The following DPP10 variants were observed in gnomAD, a reference collection of about 807,000 sequenced individuals.
DPP10 encodes the protein dipeptidyl peptidase like 10.
DPP10 carries 33 observed loss-of-function variants against 120.9 expected under a neutral mutation model. That is an observed-to-expected ratio of 0.27 (90% CI 0.21 to 0.37). The LOEUF (loss-of-function observed/expected upper bound fraction) is 0.37. Ranked by LOEUF, DPP10 falls within the 10% of genes least tolerant of loss-of-function variation. The pLI, the probability that DPP10 is intolerant of heterozygous loss-of-function variation, is 1.00. For missense variants in DPP10, 816 were observed against 942.8 expected, an observed-to-expected ratio of 0.87 and a Z score of 1.76; for synonymous variants, 337 against 326.1, an observed-to-expected ratio of 1.03 and a Z score of -0.36.
intron 1 of DPP10, among the ~76,000 whole-genome samples, chr2:114,713,692 G>T (rs1034625547): frequency 5.9e-5 from 9 of 152,218 alleles, no homozygotes; most frequent in East Asian, 1.9e-4. Context: ...AAGGATGGGT[G>T]CTAAAAGTAC....
intron 3 of DPP10, among the ~76,000 whole-genome samples, chr2:115,442,251 T>C (rs1380737525): frequency 2.0e-5 from 3 of 152,072 alleles, no homozygotes; most frequent in Non-Finnish European, 4.4e-5. Flanking sequence ...GCTCACTGGC[T>C]CTGTAAGAGG....
intron 1 of DPP10, among the ~76,000 whole-genome samples, chr2:114,643,100 A>T (rs376913334): frequency 5.9e-5 from 9 of 151,950 alleles, no homozygotes; most frequent in Admixed American, 3.3e-4. Context: ...CTTTCAAAAC[A>T]TCAGATCATT....
intron 1 of DPP10, among the ~76,000 whole-genome samples, chr2:115,012,667 A>G (rs996372284): frequency 2.6e-5 from 4 of 152,176 alleles, no homozygotes; most frequent in Admixed American, 1.3e-4. Context: ...ACCCTGTGGG[A>G]CAGAAGACTG....
intron 1 of DPP10, among the ~76,000 whole-genome samples, chr2:115,184,068 G>A (rs539623887): frequency 6.6e-6 from 1 of 152,264 alleles, no homozygotes; most frequent in East Asian, 1.9e-4. Flanking sequence ...TCGCAGCCCA[G>A]ACAGGGAGAG....
At chr2:114,855,678 C>T (rs1689314535) in intron 1 of DPP10, among the ~76,000 whole-genome samples, 1 of 152,148 alleles carries the variant, frequency 6.6e-6, no homozygotes, top group East Asian at 1.9e-4. Flanking sequence ...AGAGACCCTA[C>T]CACCAGCTGA....
chr2:114,960,406 G>C (rs1698525383), intron 1 of DPP10, among the ~76,000 whole-genome samples: 1 of 147,992 alleles, frequency 6.8e-6, no homozygotes, highest in East Asian at 2.0e-4. Context: ...GATGGAATAT[G>C]ACCAGTGATC....
chr2:115,520,914 G>T (rs1015055865), intron 4 of DPP10, among the ~76,000 whole-genome samples: 45 of 152,102 alleles, frequency 3.0e-4, no homozygotes, highest in Non-Finnish European at 7.4e-5. Context: ...ACATTACCGT[G>T]GCAATAAAAG....
chr2:115,269,867 G>A (rs974412380), intron 1 of DPP10, among the ~76,000 whole-genome samples: 1 of 152,018 alleles, frequency 6.6e-6, no homozygotes, highest in Non-Finnish European at 1.5e-5. Flanking sequence ...TACTTACCCT[G>A]CCATTCTGTC....
intron 1 of DPP10, among the ~76,000 whole-genome samples, chr2:115,201,603 G>A (rs1243656039): frequency 1.3e-5 from 2 of 152,168 alleles, no homozygotes; most frequent in Admixed American, 6.5e-5. Context: ...ATAAACAGAA[G>A]AGGAAATGAG....
At chr2:114,583,267 T>G (rs1690689054) in intron 1 of DPP10, among the ~76,000 whole-genome samples, 1 of 152,240 alleles carries the variant, frequency 6.6e-6, no homozygotes, top group South Asian at 2.1e-4. Context: ...TGCCTTGTAT[T>G]TTTGTTAACA....
At chr2:114,710,466 C>T (rs533279269) in intron 1 of DPP10, among the ~76,000 whole-genome samples, 8 of 152,284 alleles carry the variant, frequency 5.3e-5, no homozygotes, top group South Asian at 2.1e-4. Flanking sequence ...AAGCACAGGC[C>T]GGGCATAGTG....
chr2:115,236,556 G>A (rs561577213), intron 1 of DPP10, among the ~76,000 whole-genome samples: 6 of 152,142 alleles, frequency 3.9e-5, no homozygotes, highest in Admixed American at 1.3e-4. Flanking sequence ...AACTGATCAC[G>A]GCATCTTTAC....
At chr2:115,782,266 G>T (rs1263991523) in intron 16 of DPP10, 86 bp from the exon 17 acceptor site, 2 of 1,175,896 alleles carry the variant, frequency 1.7e-6, no homozygotes, top group Non-Finnish European at 2.4e-6. Flanking sequence ...CTTCCATTTG[G>T]GGGGAAAAAA....
chr2:115,186,174 T>C (rs868264247), intron 1 of DPP10, among the ~76,000 whole-genome samples: 68 of 152,250 alleles, frequency 4.5e-4, no homozygotes, highest in South Asian at 1.7e-3. Flanking sequence ...GGAGCTCCGT[T>C]GTTTTTATTA....
chr2:115,392,356 A>T (rs1239314823), intron 3 of DPP10, among the ~76,000 whole-genome samples: 21 of 152,186 alleles, frequency 1.4e-4, no homozygotes, highest in Admixed American at 1.4e-3. Flanking sequence ...AGATATGTTC[A>T]CTTTGATATC....
At chr2:114,632,897 G>A (rs1400835980) in intron 1 of DPP10, among the ~76,000 whole-genome samples, 1 of 152,078 alleles carries the variant, frequency 6.6e-6, no homozygotes, top group Non-Finnish European at 1.5e-5. Flanking sequence ...ATTTGACAAG[G>A]AATGTTCCTT....
intron 12 of DPP10, 36 bp from the exon 13 acceptor site, chr2:115,768,261 C>T (rs1273319299): frequency 6.3e-7 from 1 of 1,592,504 alleles, no homozygotes; most frequent in Non-Finnish European, 8.6e-7. Context: ...TTGCATGTGC[C>T]TTTCTGAGAT....
intron 1 of DPP10, among the ~76,000 whole-genome samples, chr2:114,520,679 A>G (rs1284297445): frequency 6.6e-6 from 1 of 152,210 alleles, no homozygotes; most frequent in Non-Finnish European, 1.5e-5. Flanking sequence ...CCATGACAGC[A>G]TGCCTAAAGC....
chr2:115,771,601 C>T (rs1004226155), intron 13 of DPP10, among the ~76,000 whole-genome samples: 16 of 152,090 alleles, frequency 1.1e-4, no homozygotes, highest in African/African-American at 2.9e-4. Flanking sequence ...AAAAATAGTA[C>T]AAAAATTTAC....
Sources: gnomAD v4.1 joint callset for allele counts (sites outside exome capture counted in the v4.1 genomes callset) on GRCh38, gnomAD v4.1.1 for gene constraint, MANE v1.5 for transcripts, NCBI Gene and HGNC (gene_info 2026-07-23, HGNC 2026-07-21) for gene names.